ST8SIA6: variants seen among roughly 807,000 people sequenced by gnomAD.
The protein encoded by ST8SIA6 is ST8 alpha-N-acetyl-neuraminide alpha-2,8-sialyltransferase 6.
In ST8SIA6, 39 loss-of-function variants were observed where a neutral mutation model predicts 33.6. That is an observed-to-expected ratio of 1.16 (90% CI 0.90 to 1.52). ST8SIA6 has a LOEUF of 1.52. Ranked by LOEUF, ST8SIA6 falls within the 40% of genes most tolerant of loss-of-function variation. ST8SIA6 has a pLI of 0.00. For missense variants in ST8SIA6, 441 were observed against 443.8 expected (o/e 0.99, Z 0.06); for synonymous variants, 172 against 167.2 (o/e 1.03, Z -0.22).
intron 2 of ST8SIA6, among the ~76,000 whole-genome samples, chr10:17,406,866 C>T (rs183911393): frequency 6.7e-6 from 1 of 149,072 alleles, no homozygotes; most frequent in Admixed American, 6.8e-5. Flanking sequence ...GCAATCTCAG[C>T]TCACCAAAAC....
intron 2 of ST8SIA6, among the ~76,000 whole-genome samples, chr10:17,435,928 G>A (rs763987099): frequency 6.6e-6 from 1 of 152,122 alleles, no homozygotes; most frequent in Non-Finnish European, 1.5e-5. Flanking sequence ...GGTGATTCTT[G>A]CCATACCCAA....
intron 5 of ST8SIA6, among the ~76,000 whole-genome samples, chr10:17,329,332 C>T (rs540467449): frequency 8.5e-5 from 13 of 152,308 alleles, no homozygotes; most frequent in South Asian, 4.1e-4. Flanking sequence ...GGAACCCAGG[C>T]GGTTTGCTCC....
In ST8SIA6 at chr10:17,320,592, A is replaced by C. The variant is rs577071463; in HGVS notation, c.*286T>G. ...GGCTGGTATAAATAGTAAGAAAGAA[A>C]TATTCTTTGAGTCCCTACCTCACAC... On this transcript the variant is annotated 3_prime_UTR_variant, in exon 8 of 8. Coordinates refer to ENST00000377602, the MANE Select transcript of ST8SIA6 (RefSeq NM_001004470.3). 2.2e-4 allele frequency: 81 copies of C among 372,008 alleles called. 1 individual carries two copies. In the South Asian group the frequency reaches 2.9e-3, roughly 14 times the overall value. The allele number at this position is 372,008 out of a possible 1,614,324, so 23.0% of individuals were successfully genotyped here.
rs2131651388 is a variant in ST8SIA6, at chr10:17,386,037, C to T, written c.290+4494G>A. Among the ~76,000 whole-genome samples, 2 of 152,204 alleles carry T rather than the reference C, an allele frequency of 1.3e-5. 1 individual carries two copies. The highest frequency in any genetic ancestry group is 4.2e-4 in the South Asian group (2 of 4,818). ...ATCTCTACAAAAAATAGAAATTAGCCAGCCATGGTGGCACGCACCTGTCTT... is the reference window on the plus strand; with the variant it reads ...ATCTCTACAAAAAATAGAAATTAGCTAGCCATGGTGGCACGCACCTGTCTT... On this transcript the variant is annotated intron_variant, in intron 3 of 7. Transcript: ENST00000377602.
At chr10:17,416,511 C>T (rs1851613566) in intron 2 of ST8SIA6, among the ~76,000 whole-genome samples, 1 of 152,184 alleles carries the variant, frequency 6.6e-6, no homozygotes, top group African/African-American at 2.4e-5. Flanking sequence ...AAAACATAAC[C>T]TTTGACTTCC....
chr10:17,333,698 TA>T lies in ST8SIA6; in HGVS notation c.378-2147del, dbSNP rs1564404943. On this transcript the variant is annotated intron_variant, in intron 4 of 7. Coordinates refer to ENST00000377602, the MANE Select transcript of ST8SIA6 (RefSeq NM_001004470.3). ...ATATATATATATATATATATATATATATATATATATATATATATATTTTTTT... is the reference window on the plus strand; with the variant it reads ...ATATATATATATATATATATATATATTATATATATATATATATATTTTTTT... Among the ~76,000 whole-genome samples, 38 of 25,684 alleles carry T rather than the reference TA, an allele frequency of 1.5e-3. 1 individual carries two copies. Among genetic ancestry groups the T allele is most frequent in the African/African-American group, 3.9e-3 (21 of 5,434 alleles). The allele number at this position is 25,684 out of a possible 152,430, so 16.8% of individuals were successfully genotyped here.
intron 4 of ST8SIA6, among the ~76,000 whole-genome samples, chr10:17,334,265 C>T (rs1293456662): frequency 2.0e-5 from 3 of 151,522 alleles, no homozygotes; most frequent in Non-Finnish European, 2.9e-5. Context: ...ACAGGCTGGG[C>T]GCGGTGGCTC....
chr10:17,445,023 G>A (rs1246109759), intron 2 of ST8SIA6, among the ~76,000 whole-genome samples: 5 of 152,096 alleles, frequency 3.3e-5, no homozygotes, highest in African/African-American at 1.2e-4. Context: ...ACCTTTTATT[G>A]CTCTTGGAAG....
At chr10:17,422,166 C>T (rs961401611) in intron 2 of ST8SIA6, among the ~76,000 whole-genome samples, 7 of 151,930 alleles carry the variant, frequency 4.6e-5, no homozygotes, top group South Asian at 2.1e-4. Context: ...TCTTTAATCA[C>T]GCTAAAAGAG....
In ST8SIA6 at chr10:17,331,505, G is replaced by A; in HGVS notation, c.425C>T (p.Ser142Phe). Reference protein sequence around the residue: ...CCDAVQNFVVSQNNTPVGTNM... With the variant: ...CCDAVQNFVVFQNNTPVGTNM... ...AGTCCCAACTGGAGTGTTATTCTGA[G>A]AAACAACAAAGTTTTGAACAGCATC... The change falls in exon 5 of 8, where the codon TCT becomes TTT. Residue 142 changes from serine (S) to phenylalanine (F), a missense_variant. Physicochemically the swap from Ser to Phe is radical, Grantham distance 155. Transcript: ENST00000377602. The A allele has an allele frequency of 6.2e-7, 1 of 1,612,844 alleles. No individual in the cohort carries two copies. Among genetic ancestry groups the A allele is most frequent in the South Asian group, 1.1e-5 (1 of 90,760 alleles).
chr10:17,437,611 T>TTCCC (rs1382769736), intron 2 of ST8SIA6, among the ~76,000 whole-genome samples: 1 of 57,928 alleles, frequency 1.7e-5, no homozygotes, highest in Non-Finnish European at 3.1e-5. Context: ...GACCCCCTGT[T>TTCCC]TCCTTCCTTC....
chr10:17,353,127 C>T (rs2131610579), intron 4 of ST8SIA6, among the ~76,000 whole-genome samples: 1 of 152,204 alleles, frequency 6.6e-6, no homozygotes, highest in East Asian at 1.9e-4. Context: ...GAACTTTGTC[C>T]TACAGAACAA....
intron 2 of ST8SIA6, among the ~76,000 whole-genome samples, chr10:17,441,466 C>G (rs1293324029): frequency 6.6e-6 from 1 of 152,078 alleles, no homozygotes; most frequent in African/African-American, 2.4e-5. Flanking sequence ...GCATGCACCA[C>G]CATGCCTGGC....
intron 3 of ST8SIA6, among the ~76,000 whole-genome samples, chr10:17,374,553 T>C (rs1341432827): frequency 1.3e-5 from 2 of 151,496 alleles, no homozygotes; most frequent in African/African-American, 4.9e-5. Flanking sequence ...TGAAACCCCA[T>C]CTCTACTAAA....
rs1307182387 is a variant in ST8SIA6 at position 17,333,695 on chromosome 10, ATATATATATATATATATATATATTTTTT to A, written c.378-2171_378-2144del. Among the ~76,000 whole-genome samples, 28 of 20,954 alleles carry A rather than the reference ATATATATATATATATATATATATTTTTT, an allele frequency of 1.3e-3. 2 individuals are homozygous for A. The highest frequency in any genetic ancestry group is 6.6e-3 in the African/African-American group (27 of 4,108). The allele number at this position is 20,954 out of a possible 152,430, so 13.7% of individuals were successfully genotyped here. On this transcript the variant is annotated intron_variant, in intron 4 of 7. Coordinates refer to ENST00000377602, the MANE Select transcript of ST8SIA6 (RefSeq NM_001004470.3). Reference sequence around the variant, plus strand: ...GGGATATATATATATATATATATATATATATATATATATATATATATATTTTTTTTTTTTTTTTTTTTTTTTGCTACAG... The same window carrying A: ...GGGATATATATATATATATATATATATTTTTTTTTTTTTTTTTTGCTACAG...
chr10:17,393,180 A>G (rs947383596), intron 2 of ST8SIA6, among the ~76,000 whole-genome samples: 1 of 151,996 alleles, frequency 6.6e-6, no homozygotes, highest in African/African-American at 2.4e-5. Flanking sequence ...TGGGACTTAC[A>G]CTGTTGGCCC....
Position 17,321,058 on chromosome 10 carries a change from C to T in ST8SIA6, c.1017G>A (p.Lys339=). The T allele has an allele frequency of 6.2e-7, 1 of 1,614,048 alleles. No individual in the cohort carries two copies. The highest frequency in any genetic ancestry group is 8.5e-7 in the Non-Finnish European group (1 of 1,179,980). The change falls in exon 8 of 8, where the codon AAG becomes AAA. Residue 339 remains lysine, a synonymous_variant. Transcript: ENST00000377602. ...TAGAGAAGGGCCAGAATCCATACAG[C>T]TTCACATTTTTACACAGTTCCACTG... ...SVAVELCKNV[K]LYGFWPFSKT...
At chr10:17,390,653 A>C in intron 2 of ST8SIA6, 33 bp from the exon 3 acceptor site, 1 of 1,539,592 alleles carries the variant, frequency 6.5e-7, no homozygotes, top group Non-Finnish European at 8.9e-7. Flanking sequence ...AAAAAGATTG[A>C]TTTAAAATGA....
chr10:17,424,191 C>T (rs1427492392), intron 2 of ST8SIA6, among the ~76,000 whole-genome samples: 1 of 151,606 alleles, frequency 6.6e-6, no homozygotes, highest in Non-Finnish European at 1.5e-5. Context: ...GCAGCCTCCT[C>T]CTCCCAGGTT....
Sources: gnomAD v4.1 joint callset for allele counts (sites outside exome capture counted in the v4.1 genomes callset) on GRCh38, gnomAD v4.1.1 for gene constraint, MANE v1.5 for transcripts, NCBI Gene and HGNC (gene_info 2026-07-23, HGNC 2026-07-21) for gene names.